Variants in RPS6KA2 observed in about 807,000 individuals in gnomAD.
RPS6KA2 encodes the protein ribosomal protein S6 kinase alpha-2.
A neutral mutation model predicts 91.8 loss-of-function variants in RPS6KA2; 42 were observed. The ratio of observed to expected loss-of-function variants is 0.46; its 90% CI spans 0.36 to 0.59. The LOEUF is 0.59. Among genes scored for constraint, RPS6KA2 ranks in the 20% least tolerant of loss-of-function variants. The probability of loss-of-function intolerance (pLI) is 0.00; values close to 1 mark genes in which losing one functional copy is unlikely to be tolerated. For missense variants in RPS6KA2, 798 were observed against 978.5 expected (o/e 0.82, Z 2.46); for synonymous variants, 414 against 393.6 (o/e 1.05, Z -0.61).
chr6:166,670,470 G>A (rs944297738), intron 2 of RPS6KA2, among the ~76,000 whole-genome samples: 1 of 152,134 alleles, frequency 6.6e-6, no homozygotes, highest in African/African-American at 2.4e-5. Context: ...TAAGTTTGGG[G>A]GTAATTTGTT....
At chr6:166,489,219 A>G (rs1781513560) in intron 9 of RPS6KA2, among the ~76,000 whole-genome samples, 1 of 152,232 alleles carries the variant, frequency 6.6e-6, no homozygotes, top group Non-Finnish European at 1.5e-5. Flanking sequence ...TTATTTAATA[A>G]TAAAATCATT....
Position 166,586,537 on chromosome 6 carries a change from C to T in RPS6KA2, c.99+40384G>A, listed in dbSNP as rs557752346. On this transcript the variant is annotated intron_variant, in intron 1 of 20. Coordinates refer to ENST00000265678, the MANE Select transcript of RPS6KA2 (RefSeq NM_021135.6). The stretch of plus-strand genomic sequence containing the variant: ...GCTTAATGTTTAGGTTGTTTAAATC[C>T]GCCAAGGGCTATGTCTATCCAGCTC... 3,672 of 1,505,630 alleles carry T rather than the reference C, an allele frequency of 2.4e-3. 32 individuals are homozygous for T. Among genetic ancestry groups the T allele is most frequent in the Non-Finnish European group, 3.0e-3 (3,380 of 1,113,456 alleles). The allele number at this position is 1,505,630 out of a possible 1,614,324, so 93.3% of individuals were successfully genotyped here.
At chr6:166,843,674 T>A (rs974546807) in intron 2 of RPS6KA2, among the ~76,000 whole-genome samples, 2 of 151,968 alleles carry the variant, frequency 1.3e-5, no homozygotes, top group African/African-American at 4.8e-5. Flanking sequence ...GCAAAAACAA[T>A]CACTACAGTT....
At chr6:166,657,157 A>G (rs1788026966) in intron 2 of RPS6KA2, among the ~76,000 whole-genome samples, 1 of 152,118 alleles carries the variant, frequency 6.6e-6, no homozygotes, top group African/African-American at 2.4e-5. Context: ...CACGAGGAAA[A>G]GGAGAACTTC....
At chr6:166,855,517 T>G (rs73039453) in intron 2 of RPS6KA2, among the ~76,000 whole-genome samples, 5,605 of 90,918 alleles carry the variant, frequency 0.062, 319 homozygotes, top group East Asian at 0.32. Context: ...AGAAGAAGAA[T>G]AAGAAGGGTT....
At position 166,513,999 on chromosome 6, in the gene RPS6KA2, T is replaced by C. The variant is rs75345878; in HGVS notation, c.299-3642A>G. 5.8e-3 allele frequency among the ~76,000 whole-genome samples: 887 copies of C among 152,348 alleles called. 7 individuals are homozygous for C. The highest frequency in any genetic ancestry group is 9.2e-3 in the Non-Finnish European group (628 of 68,026). ...TTTGTGAGTTCATGTCTTAGTGATC[T>C]GGATTCTGCGTGCTGGTCAGAGTAG... On this transcript the variant is annotated intron_variant, in intron 3 of 20. Transcript: ENST00000265678.
intron 2 of RPS6KA2, among the ~76,000 whole-genome samples, chr6:166,687,438 C>T (rs746946514): frequency 1.3e-5 from 2 of 152,156 alleles, no homozygotes; most frequent in Non-Finnish European, 2.9e-5. Context: ...TGCCTGTGAG[C>T]GTGGCCTTGT....
At chr6:166,588,831 C>T (rs112057835) in intron 1 of RPS6KA2, among the ~76,000 whole-genome samples, 2 of 152,266 alleles carry the variant, frequency 1.3e-5, no homozygotes, top group Admixed American at 6.5e-5. Flanking sequence ...AATGGCCCTC[C>T]GTGCTCACTG....
At chr6:166,703,235 G>A (rs1430321274) in intron 2 of RPS6KA2, among the ~76,000 whole-genome samples, 1 of 152,202 alleles carries the variant, frequency 6.6e-6, no homozygotes, top group Admixed American at 6.5e-5. Flanking sequence ...ATGGCTACAT[G>A]TATTGATTAA....
intron 3 of RPS6KA2, among the ~76,000 whole-genome samples, chr6:166,514,043 G>A (rs1240458693): frequency 6.6e-6 from 1 of 152,168 alleles, no homozygotes. Flanking sequence ...CTCTATGTAG[G>A]TGAACTGGAA....
intron 2 of RPS6KA2, among the ~76,000 whole-genome samples, chr6:166,807,923 A>G (rs939995092): frequency 1.3e-5 from 2 of 151,998 alleles, no homozygotes; most frequent in African/African-American, 2.4e-5. Flanking sequence ...AAGGTTCCAT[A>G]TAATTTAACT....
At chr6:166,507,789 C>G (rs1275580729) in intron 5 of RPS6KA2, among the ~76,000 whole-genome samples, 1 of 151,106 alleles carries the variant, frequency 6.6e-6, no homozygotes, top group Non-Finnish European at 1.5e-5. Context: ...CACACACATA[C>G]CACACACTTA....
chr6:166,676,261 G>A (rs528826663), intron 2 of RPS6KA2, among the ~76,000 whole-genome samples: 1 of 148,658 alleles, frequency 6.7e-6, no homozygotes, highest in East Asian at 2.0e-4. Context: ...AGGTTGCAGT[G>A]AACCAAGATC....
At chr6:166,668,831 C>T (rs1788391399) in intron 2 of RPS6KA2, among the ~76,000 whole-genome samples, 1 of 143,392 alleles carries the variant, frequency 7.0e-6, no homozygotes, top group African/African-American at 2.6e-5. Context: ...TCCCTCCCTC[C>T]CTCCCTCCTC....
At chr6:166,702,847 A>C (rs1789566087) in intron 2 of RPS6KA2, 1 of 968,576 alleles carries the variant, frequency 1.0e-6, no homozygotes, top group Non-Finnish European at 1.6e-6. Context: ...CATTGTGAAG[A>C]ATGGTTGTTT....
rs139115029 is a variant in RPS6KA2, at chr6:166,712,693, T to C, written c.123+145507A>G. Among the ~76,000 whole-genome samples, 478 of 152,322 alleles carry C rather than the reference T, an allele frequency of 3.1e-3. 5 individuals carry two copies. Among genetic ancestry groups the C allele is most frequent in the African/African-American group, 0.011 (456 of 41,582 alleles). On this transcript the variant is annotated intron_variant, in intron 2 of 21. Coordinates refer to the RPS6KA2 transcript ENST00000503859. ...CCCTGCACTATCTCTTGATGTGTGA[T>C]GTCCCACCGAGGCCCACAGGTGGGC...
At chr6:166,584,484 G>A (rs553397519) in intron 1 of RPS6KA2, among the ~76,000 whole-genome samples, 1 of 152,130 alleles carries the variant, frequency 6.6e-6, no homozygotes, top group East Asian at 1.9e-4. Flanking sequence ...GTGATGACAG[G>A]GACACTCTAA....
rs145565618 is a variant in RPS6KA2, at chr6:166,621,166, G to C, written c.99+5755C>G. Among the ~76,000 whole-genome samples the C allele has an allele frequency of 1.7e-3, 249 of 150,608 alleles. 4 individuals carry two copies. Among genetic ancestry groups the C allele is most frequent in the South Asian group, 5.0e-3 (24 of 4,824 alleles). ...CACCCTCTGACTGATCTCCAGGAAC[G>C]CATGCAAATGACTGCATAACATATG... On this transcript the variant is annotated intron_variant, in intron 1 of 20. Coordinates refer to ENST00000265678, the MANE Select transcript of RPS6KA2 (RefSeq NM_021135.6).
intron 2 of RPS6KA2, among the ~76,000 whole-genome samples, chr6:166,697,835 C>T (rs55706914): frequency 0.067 from 10,134 of 152,246 alleles, 408 homozygotes; most frequent in African/African-American, 0.095. Context: ...GCCGTTCCCT[C>T]GACTGGAACA....
Sources: allele counts gnomAD v4.1 joint callset (sites outside exome capture counted in the v4.1 genomes callset), GRCh38; gene constraint gnomAD v4.1.1; transcripts MANE v1.5; gene names NCBI Gene and HGNC (gene_info 2026-07-23, HGNC 2026-07-21).